The following UNKL variants were observed in gnomAD, a reference collection of about 807,000 sequenced individuals.
UNKL encodes unk like zinc finger.
A neutral mutation model predicts 78.0 loss-of-function variants in UNKL; 60 were observed. The ratio of observed to expected loss-of-function variants is 0.77; its 90% CI spans 0.63 to 0.95. The LOEUF (loss-of-function observed/expected upper bound fraction) is 0.95, where lower values mean the gene tolerates loss of function less well. Ranked by LOEUF, UNKL falls within the 40% of genes least tolerant of loss-of-function variation. The pLI, the probability that UNKL is intolerant of heterozygous loss-of-function variation, is 0.00. For synonymous variants in UNKL, 608 were observed against 474.8 expected (o/e 1.28, Z -3.65); for missense variants, 1,159 against 1,045.7 (o/e 1.11, Z -1.49).
chr16:1,381,195 G>A (rs933657151), intron 10 of UNKL, among the ~76,000 whole-genome samples: 2 of 152,216 alleles, frequency 1.3e-5, no homozygotes, highest in Non-Finnish European at 2.9e-5. Flanking sequence ...CACAGTCCAA[G>A]ATGGTCTCTC....
chr16:1,399,400 C>T lies in UNKL; in HGVS notation c.708G>A (p.Arg236=), dbSNP rs1479715257. 1 of 1,601,218 alleles carries T rather than the reference C, an allele frequency of 6.2e-7. No individual in the cohort carries two copies. The highest frequency in any genetic ancestry group is 8.5e-7 in the Non-Finnish European group (1 of 1,173,724). ...TGTACTGGAACCGCCGGGGGTTGCGCCGCCTGTCCCGGCTATTGTGGTAGT... is the reference window on the plus strand; with the variant it reads ...TGTACTGGAACCGCCGGGGGTTGCGTCGCCTGTCCCGGCTATTGTGGTAGT... ...CPHYHNSRDR[R]RNPRRFQYRS... The change falls in exon 5 of 15, where the codon CGG becomes CGA. Residue 236 remains arginine, a synonymous_variant. Transcript: ENST00000389221. This position sits in a 1 kb window ranked among gnomAD's most constrained non-coding sequence, Gnocchi z 5.8.
At chr16:1,367,461 C>G in intron 13 of UNKL, 112 bp from the exon 14 acceptor site, 1 of 1,398,692 alleles carries the variant, frequency 7.1e-7, no homozygotes, top group Non-Finnish European at 9.5e-7. Flanking sequence ...CAGCTGTGGC[C>G]CCCTCACCTG....
rs1246796841 is a variant in UNKL, at chr16:1,380,014, G to T, written c.1264+5194C>A. Among the ~76,000 whole-genome samples, 7 of 152,358 alleles carry T rather than the reference G, an allele frequency of 4.6e-5. No homozygotes were observed. In the East Asian group the frequency reaches 1.2e-3, roughly 25 times the overall value. On this transcript the variant is annotated intron_variant, in intron 10 of 14. Coordinates refer to ENST00000389221, the MANE Select transcript of UNKL (RefSeq NM_001372107.1). Reference sequence around the variant, plus strand: ...GCGCTCGCGGGGCGGGGCGGCGTGAGCTGGGGCCGCTGCCTGCCCTGCAGG... The same window carrying T: ...GCGCTCGCGGGGCGGGGCGGCGTGATCTGGGGCCGCTGCCTGCCCTGCAGG...
intron 11 of UNKL, among the ~76,000 whole-genome samples, chr16:1,371,216 T>G (rs919792897): frequency 1.3e-5 from 2 of 152,132 alleles, no homozygotes; most frequent in African/African-American, 4.8e-5. Context: ...GCCACTTTGC[T>G]GGGACAAAGG....
intron 10 of UNKL, among the ~76,000 whole-genome samples, chr16:1,378,349 C>T (rs1371115229): frequency 6.6e-6 from 1 of 152,218 alleles, no homozygotes; most frequent in East Asian, 1.9e-4. Context: ...CCTGGACCTG[C>T]CCTCTGCACC....
rs1392060345 is a variant in UNKL, at chr16:1,366,499, C to G, written c.2047-104G>C. The G allele has an allele frequency of 4.4e-6, 6 of 1,365,928 alleles. No individual in the cohort carries two copies. The South Asian group carries it at 7.8e-5, about 18-fold the overall frequency. 84.6% of individuals were successfully genotyped at this position (1,365,928 alleles called of 1,614,324 possible). On this transcript the variant is annotated intron_variant, in intron 14 of 14. Transcript: ENST00000389221. ...GCAGGACTCAGCATCTCAGGCCGCC[C>G]GGCCACCAGCTACAGAGACAGGGTC...
intron 10 of UNKL, among the ~76,000 whole-genome samples, chr16:1,380,438 GC>G (rs1466568671): frequency 1.3e-5 from 2 of 152,188 alleles, no homozygotes; most frequent in Non-Finnish European, 2.9e-5. Context: ...GCGCAGGAGT[GC>G]CCTGGGGTCA....
At chr16:1,383,311 C>CCA (rs1363352098) in intron 10 of UNKL, among the ~76,000 whole-genome samples, 2 of 151,360 alleles carry the variant, frequency 1.3e-5, no homozygotes, top group South Asian at 2.1e-4. Flanking sequence ...AAAACAAAAC[C>CCA]CACACACACA....
Position 1,365,931 on chromosome 16 carries a change from G to A in UNKL, c.*309C>T, listed in dbSNP as rs563876513. On this transcript the variant is annotated 3_prime_UTR_variant, in exon 15 of 15. Coordinates refer to ENST00000389221, the MANE Select transcript of UNKL (RefSeq NM_001372107.1). Reference sequence around the variant, plus strand: ...GACCACAAACTGCTGTGATCACAGCGCCGCGTGGATCCCGGAGGCACCAGG... The same window carrying A: ...GACCACAAACTGCTGTGATCACAGCACCGCGTGGATCCCGGAGGCACCAGG... 1.4e-3 allele frequency: 364 copies of A among 261,210 alleles called. No individual in the cohort carries two copies. Among genetic ancestry groups the A allele is most frequent in the Admixed American group, 2.4e-3 (48 of 19,792 alleles). 16.2% of individuals were successfully genotyped at this position (261,210 alleles called of 1,614,324 possible). A position where few individuals can be genotyped will look rare whatever the true frequency, so the allele number is the denominator to read the frequency against.
Position 1,414,679 on chromosome 16 carries a change from A to T in UNKL, c.13T>A (p.Ser5Thr). The change falls in exon 1 of 15, where the codon TCG (serine) becomes ACG (threonine). Residue 5 changes from serine to threonine, a missense_variant. Physicochemically the swap from Ser to Thr is moderately conservative, Grantham distance 58. Transcript: ENST00000389221. MPSV[S>T]KAAAAALSGS... ...CTCAGCGCCGCTGCCGCCGCTTTCG[A>T]AACCGACGGCATTTTCAGTCAAAAC... 8.7e-7 allele frequency: 1 copy of T among 1,150,054 alleles called. No individual in the cohort carries two copies. The allele number at this position is 1,150,054 out of a possible 1,614,324, so 71.2% of individuals were successfully genotyped here. A position where few individuals can be genotyped will look rare whatever the true frequency, so the allele number is the denominator to read the frequency against.
chr16:1,376,960 T>C (rs2036278413), intron 10 of UNKL, among the ~76,000 whole-genome samples: 1 of 151,988 alleles, frequency 6.6e-6, no homozygotes, highest in African/African-American at 2.4e-5. Context: ...ACCTGCTGTG[T>C]TTCCCTGCAA....
At chr16:1,402,521 G>C (rs1328686242) in intron 3 of UNKL, among the ~76,000 whole-genome samples, 2 of 152,102 alleles carry the variant, frequency 1.3e-5, no homozygotes, top group African/African-American at 2.4e-5. Flanking sequence ...AAATAACCCA[G>C]GCATGGTGGT....
rs2037398044 is a variant in UNKL at position 1,399,003 on chromosome 16, G to C, written c.734+371C>G. 2.0e-6 allele frequency: 3 copies of C among 1,467,934 alleles called. No individual in the cohort carries two copies. The Admixed American group carries it at 7.0e-5, about 34-fold the overall frequency. The allele number at this position is 1,467,934 out of a possible 1,614,324, so 90.9% of individuals were successfully genotyped here. ...CCTGAGCCCCTGGCAGCTTGGGTGA[G>C]GAGACAGCATGCAGCCCACAGGCTG... On this transcript the variant is annotated intron_variant, in intron 5 of 14. Transcript: ENST00000389221. The surrounding 1 kb of genome is among the most constrained non-coding windows in gnomAD (Gnocchi z 5.8).
At chr16:1,374,142 GGGCACACCACACAGGGACTGCCGGCC>G (rs1567206488) in intron 10 of UNKL, among the ~76,000 whole-genome samples, 901 of 75,968 alleles carry the variant, frequency 0.012, 24 homozygotes, top group African/African-American at 0.033. Context: ...CAGCAGCGTG[GGGCACACCACACAGGGACTGCCGGCC>G]AACACCGCAC....
intron 2 of UNKL, among the ~76,000 whole-genome samples, chr16:1,407,991 G>C (rs1048397952): frequency 1.3e-4 from 20 of 151,910 alleles, no homozygotes; most frequent in Admixed American, 6.6e-5. Context: ...GGATCGCTTG[G>C]GTACTCCGGA....
At chr16:1,410,144 T>C (rs1208844982) in intron 2 of UNKL, among the ~76,000 whole-genome samples, 2 of 152,016 alleles carry the variant, frequency 1.3e-5, no homozygotes, top group African/African-American at 4.8e-5. Flanking sequence ...TGCACACCTG[T>C]AATCCCAGCA....
At chr16:1,368,761 C>T (rs1296687098) in intron 12 of UNKL, among the ~76,000 whole-genome samples, 2 of 151,692 alleles carry the variant, frequency 1.3e-5, no homozygotes, top group South Asian at 2.1e-4. Flanking sequence ...ATTAGCCTGG[C>T]GTGGTAGCAG....
rs886703922 is a variant in UNKL, at chr16:1,364,348, T to G, written c.*1892A>C. Reference sequence around the variant, plus strand: ...ATTAAATACATTCTAATTTGGTCACTGATGATAAAGATTTTTACCTAGACG... The same window carrying G: ...ATTAAATACATTCTAATTTGGTCACGGATGATAAAGATTTTTACCTAGACG... On this transcript the variant is annotated 3_prime_UTR_variant, in exon 15 of 15. Transcript: ENST00000389221. The G allele has an allele frequency of 6.6e-6, 1 of 152,234 alleles. No homozygotes were observed. Among genetic ancestry groups the G allele is most frequent in the African/African-American group, 2.4e-5 (1 of 41,462 alleles). 9.4% of individuals were successfully genotyped at this position (152,234 alleles called of 1,614,324 possible). A position where few individuals can be genotyped will look rare whatever the true frequency, so the allele number is the denominator to read the frequency against.
intron 10 of UNKL, among the ~76,000 whole-genome samples, chr16:1,376,373 C>T (rs913304694): frequency 6.0e-5 from 9 of 150,356 alleles, no homozygotes; most frequent in Admixed American, 5.3e-4. Flanking sequence ...CCTCTTCCCT[C>T]CTCCCTCCAG....
Sources: allele counts gnomAD v4.1 joint callset (sites outside exome capture counted in the v4.1 genomes callset), GRCh38; gene constraint gnomAD v4.1.1; non-coding constraint Gnocchi (gnomAD v3.1); transcripts MANE v1.5; gene names NCBI Gene and HGNC (gene_info 2026-07-23, HGNC 2026-07-21).